The following PTPRT variants were observed in gnomAD, a reference collection of about 807,000 sequenced individuals.
The protein encoded by PTPRT is protein tyrosine phosphatase receptor type T.
Under a neutral mutation model 176.8 loss-of-function variants are expected in PTPRT, and 56 were observed. That is an observed-to-expected ratio of 0.32 (90% CI 0.26 to 0.40). PTPRT has a LOEUF of 0.40. PTPRT is among the 10% of genes least tolerant of loss of function. The pLI is 1.00. For missense variants in PTPRT, 1,540 were observed against 1,908.2 expected, an observed-to-expected ratio of 0.81 and a Z score of 3.60; for synonymous variants, 783 against 739.0, an observed-to-expected ratio of 1.06 and a Z score of -0.96.
At chr20:42,768,615 C>T (rs2077019154) in intron 5 of PTPRT, among the ~76,000 whole-genome samples, 1 of 152,248 alleles carries the variant, frequency 6.6e-6, no homozygotes, top group Middle Eastern at 3.4e-3. Flanking sequence ...TGTGTGTGAC[C>T]CACCAGTTAG....
intron 3 of PTPRT, among the ~76,000 whole-genome samples, chr20:42,784,002 C>T (rs2077253027): frequency 6.6e-6 from 1 of 152,146 alleles, no homozygotes; most frequent in African/African-American, 2.4e-5. Flanking sequence ...TCTGTAGATG[C>T]TCTTCAGCTC....
chr20:42,718,046 G>GT (rs1257618099), intron 6 of PTPRT, among the ~76,000 whole-genome samples: 1 of 152,222 alleles, frequency 6.6e-6, no homozygotes, highest in Non-Finnish European at 1.5e-5. Flanking sequence ...CTATTTGGCA[G>GT]TATCTGCTTA....
intron 1 of PTPRT, chr20:42,971,303 A>G (rs1444707910): frequency 1.3e-5 from 2 of 152,244 alleles, no homozygotes; most frequent in Non-Finnish European, 2.9e-5. Flanking sequence ...CCTTGGGAAA[A>G]CTAGTCTTCA....
intron 7 of PTPRT, among the ~76,000 whole-genome samples, chr20:42,645,753 G>T (rs143423474): frequency 2.2e-5 from 3 of 136,620 alleles, no homozygotes; most frequent in East Asian, 4.0e-4. Flanking sequence ...TTTCAGATGG[G>T]ATGTGTATTT....
At position 42,121,894 on chromosome 20, in the gene PTPRT, C is replaced by A. The variant is rs150792634; in HGVS notation, c.2848-1923G>T. On this transcript the variant is annotated intron_variant, in intron 19 of 30. Transcript: ENST00000373187. ...CATGGATGGGCCTGGAGGCCATTAT[C>A]TTAAGCAAAAAACTCCCAGAAACAG... Among the ~76,000 whole-genome samples the A allele has an allele frequency of 5.7e-4, 86 of 152,126 alleles. 1 individual carries two copies. The highest frequency in any genetic ancestry group is 2.0e-3 in the African/African-American group (85 of 41,516).
chr20:42,501,542 C>T (rs985250090), intron 7 of PTPRT, among the ~76,000 whole-genome samples: 26 of 152,192 alleles, frequency 1.7e-4, no homozygotes, highest in Middle Eastern at 3.4e-3. Flanking sequence ...CCTTCTCTTC[C>T]GCCTGCCAAC....
chr20:42,098,463 G>C lies in PTPRT; in HGVS notation c.3804C>G (p.Asn1268Lys). 6.2e-7 allele frequency: 1 copy of C among 1,614,212 alleles called. No individual in the cohort carries two copies. Among genetic ancestry groups the C allele is most frequent in the Non-Finnish European group, 8.5e-7 (1 of 1,180,034 alleles). The change falls in exon 27 of 31, where the codon AAC (asparagine) becomes AAG (lysine). Residue 1268 changes from asparagine to lysine, a missense_variant. Physicochemically the swap from Asn to Lys is moderately conservative, Grantham distance 94. This residue lies in a region of PTPRT where 342 missense variants were observed against 394.0 expected (regional missense o/e 0.87). Transcript: ENST00000373187. ...ADFWRLVFDY[N>K]CSSVVMLNEM... The stretch of plus-strand genomic sequence containing the variant: ...CATTCAGCATCACCACAGAGGAGCA[G>C]TTGTAATCGAACACCAGCCTCCAGA...
At chr20:42,085,331 A>T (rs1983778123) in intron 28 of PTPRT, among the ~76,000 whole-genome samples, 1 of 152,212 alleles carries the variant, frequency 6.6e-6, no homozygotes, top group African/African-American at 2.4e-5. Flanking sequence ...CTGCTCAGCC[A>T]GTGAACATCC....
chr20:42,677,825 C>T (rs1296944007), intron 7 of PTPRT, 41 bp downstream of exon 7: 2 of 1,578,398 alleles, frequency 1.3e-6, no homozygotes, highest in Non-Finnish European at 1.7e-6. Context: ...GGCAATAGCA[C>T]AGCCTCTCAT....
At chr20:42,315,184 C>CAAAAAAAAAAA (rs71193656) in intron 12 of PTPRT, among the ~76,000 whole-genome samples, 8 of 63,388 alleles carry the variant, frequency 1.3e-4, no homozygotes, top group African/African-American at 4.2e-4. Context: ...GGCTCCGTCT[C>CAAAAAAAAAAA]AAAAAAAAAA....
chr20:42,564,233 G>C (rs1309979415), intron 7 of PTPRT, among the ~76,000 whole-genome samples: 1 of 152,180 alleles, frequency 6.6e-6, no homozygotes, highest in Non-Finnish European at 1.5e-5. Flanking sequence ...ATTAGGTCTG[G>C]CTAGAAATAT....
chr20:42,705,554 G>T (rs1185112949), intron 6 of PTPRT, among the ~76,000 whole-genome samples: 4 of 152,158 alleles, frequency 2.6e-5, no homozygotes, highest in African/African-American at 4.8e-5. Context: ...CTTGACCATG[G>T]TGTGGCTAGC....
At chr20:42,175,220 A>G (rs558692533) in intron 16 of PTPRT, among the ~76,000 whole-genome samples, 6 of 152,152 alleles carry the variant, frequency 3.9e-5, no homozygotes, top group African/African-American at 1.4e-4. Flanking sequence ...CAGATTTAAG[A>G]TATTTAATAT....
In PTPRT at chr20:42,865,923, T is replaced by A. The variant is rs553724117; in HGVS notation, c.214+19884A>T. On this transcript the variant is annotated intron_variant, in intron 2 of 30. Transcript: ENST00000373187. ...CTACCCACACCCTAGATTGTGGCAA[T>A]GTGCAGAGTTCTGCTCTCTCCCCTC... Among the ~76,000 whole-genome samples, 302 of 152,280 alleles carry A rather than the reference T, an allele frequency of 2.0e-3. 1 individual carries two copies. Among genetic ancestry groups the A allele is most frequent in the Non-Finnish European group, 3.1e-3 (210 of 68,020 alleles).
Position 42,282,482 on chromosome 20 carries a change from A to G in PTPRT, c.2176+7T>C, listed in dbSNP as rs2057156606. Reference sequence around the variant, plus strand: ...AGGTGAAGACAGACAAGCAGATGCCAACATACCTTTTGTAGCCAGACGAAC... The same window carrying G: ...AGGTGAAGACAGACAAGCAGATGCCGACATACCTTTTGTAGCCAGACGAAC... On this transcript the variant is annotated splice_region_variant and intron_variant, in intron 13 of 30. Transcript: ENST00000373187. 3.1e-6 allele frequency: 5 copies of G among 1,608,258 alleles called. No homozygotes were observed. The highest frequency in any genetic ancestry group is 3.4e-6 in the Non-Finnish European group (4 of 1,175,886).
intron 2 of PTPRT, among the ~76,000 whole-genome samples, chr20:42,883,719 C>CAT (rs2079047679): frequency 2.8e-5 from 4 of 144,052 alleles, no homozygotes; most frequent in African/African-American, 1.1e-4. Context: ...CATACACACA[C>CAT]ACCCATACAC....
intron 15 of PTPRT, among the ~76,000 whole-genome samples, chr20:42,204,711 T>A (rs535006627): frequency 6.6e-6 from 1 of 152,286 alleles, no homozygotes; most frequent in South Asian, 2.1e-4. Context: ...GGGCCCAGGA[T>A]GGACCATGAG....
chr20:42,289,988 C>A (rs2057292879), intron 12 of PTPRT, among the ~76,000 whole-genome samples: 1 of 151,958 alleles, frequency 6.6e-6, no homozygotes, highest in Non-Finnish European at 1.5e-5. Flanking sequence ...AATAACAAAG[C>A]CCTAAGTCAC....
In PTPRT at chr20:42,615,683, G is replaced by A. The variant is rs1225741769; in HGVS notation, c.1153+62183C>T. On this transcript the variant is annotated intron_variant, in intron 7 of 30. Transcript: ENST00000373187. ...GGTTTTGATTTGCATTTCTCTGATGGCCAGTGATGATGAGCATTTTTTCAT... is the reference window on the plus strand; with the variant it reads ...GGTTTTGATTTGCATTTCTCTGATGACCAGTGATGATGAGCATTTTTTCAT... 6.5e-4 allele frequency among the ~76,000 whole-genome samples: 83 copies of A among 127,176 alleles called. 11 individuals are homozygous for A. Among genetic ancestry groups the A allele is most frequent in the Non-Finnish European group, 1.0e-3 (64 of 62,470 alleles). The allele number at this position is 127,176 out of a possible 152,430, so 83.4% of individuals were successfully genotyped here. A position where few individuals can be genotyped will look rare whatever the true frequency, so the allele number is the denominator to read the frequency against.
Sources: gnomAD v4.1 joint callset for allele counts (sites outside exome capture counted in the v4.1 genomes callset) on GRCh38, gnomAD v4.1.1 for gene constraint, gnomAD v4.1.1 regional missense constraint, MANE v1.5 for transcripts, NCBI Gene and HGNC (gene_info 2026-07-23, HGNC 2026-07-21) for gene names.